The following AFF3 variants were observed in gnomAD, a reference collection of about 807,000 sequenced individuals.
AFF3 encodes AF4/FMR2 family member 3.
AFF3 carries 32 observed loss-of-function variants against 129.7 expected under a neutral mutation model. That is an observed-to-expected ratio of 0.25 (90% CI 0.19 to 0.33). AFF3 has a LOEUF of 0.33. Among genes scored for constraint, AFF3 ranks in the 10% least tolerant of loss-of-function variants. The probability of loss-of-function intolerance (pLI) is 1.00; values close to 1 mark genes in which losing one functional copy is unlikely to be tolerated. For synonymous variants in AFF3, 644 were observed against 635.4 expected, an observed-to-expected ratio of 1.01 and a Z score of -0.20; for missense variants, 1,373 against 1,592.0, an observed-to-expected ratio of 0.86 and a Z score of 2.34.
intron 8 of AFF3, among the ~76,000 whole-genome samples, chr2:99,775,786 C>T (rs905773228): frequency 1.3e-4 from 20 of 152,012 alleles, no homozygotes; most frequent in African/African-American, 4.3e-4. Flanking sequence ...AAGACGACAA[C>T]ATCATTAGAA....
intron 7 of AFF3, among the ~76,000 whole-genome samples, chr2:99,845,485 T>A (rs534784286): frequency 6.6e-6 from 1 of 152,144 alleles, no homozygotes; most frequent in Non-Finnish European, 1.5e-5. Context: ...TGATGACTAA[T>A]TGATATTGAG....
chr2:99,860,309 T>A (rs1463169789), intron 7 of AFF3, among the ~76,000 whole-genome samples: 1 of 151,996 alleles, frequency 6.6e-6, no homozygotes, highest in Non-Finnish European at 1.5e-5. Context: ...ATCCCAGCAC[T>A]CTGGGAGGCC....
chr2:99,732,909 TGTG>T (rs35078034), intron 10 of AFF3, among the ~76,000 whole-genome samples: 111,316 of 151,738 alleles, frequency 0.73, 41,659 homozygotes, highest in East Asian at 0.92. Context: ...ATAATTTTGT[TGTG>T]GTGTCTGCAT....
chr2:99,914,915 C>T (rs913903014), intron 7 of AFF3, among the ~76,000 whole-genome samples: 4 of 151,800 alleles, frequency 2.6e-5, no homozygotes, highest in Non-Finnish European at 4.4e-5. Flanking sequence ...AAAATAAATA[C>T]ATTAATTAAT....
chr2:99,786,108 C>A (rs1302946977), intron 8 of AFF3, among the ~76,000 whole-genome samples: 2 of 152,142 alleles, frequency 1.3e-5, no homozygotes, highest in Admixed American at 6.5e-5. Context: ...TCGTTGAGTG[C>A]GGACTCTCAA....
At position 99,834,558 on chromosome 2, in the gene AFF3, C is replaced by T. The variant is rs183833698; in HGVS notation, c.921+2919G>A. On this transcript the variant is annotated intron_variant, in intron 8 of 24. Transcript: ENST00000672756. ...TCACTGACTGCATTTTCTGTTTTCT[C>T]GAGTTTGGCTTCTGCCCCCTCTACT... Among the ~76,000 whole-genome samples the T allele has an allele frequency of 2.6e-5, 4 of 152,272 alleles. No homozygotes were observed. The East Asian group carries it at 7.7e-4, about 29-fold the overall frequency.
intron 8 of AFF3, among the ~76,000 whole-genome samples, chr2:99,826,549 T>C (rs1688094210): frequency 6.6e-6 from 1 of 151,350 alleles, no homozygotes. Flanking sequence ...TATGCAGGAG[T>C]CGGTCAGCTA....
At chr2:99,774,035 G>C (rs533969092) in intron 8 of AFF3, among the ~76,000 whole-genome samples, 16 of 152,320 alleles carry the variant, frequency 1.1e-4, no homozygotes, top group African/African-American at 3.9e-4. Context: ...CAGGGGAAGT[G>C]AAGGACCTCT....
chr2:99,951,385 C>G (rs1676149891), intron 7 of AFF3, among the ~76,000 whole-genome samples: 1 of 152,180 alleles, frequency 6.6e-6, no homozygotes, highest in Non-Finnish European at 1.5e-5. Context: ...GCCAGTGGCT[C>G]TGCCTGCAAT....
At chr2:99,840,659 C>T (rs879885138) in intron 7 of AFF3, among the ~76,000 whole-genome samples, 1 of 152,198 alleles carries the variant, frequency 6.6e-6, no homozygotes, top group African/African-American at 2.4e-5. Flanking sequence ...AGCTTTCACT[C>T]CCATTCCCAA....
At chr2:99,711,177 A>T (rs1170612544) in intron 11 of AFF3, among the ~76,000 whole-genome samples, 7 of 151,974 alleles carry the variant, frequency 4.6e-5, no homozygotes, top group Admixed American at 2.0e-4. Flanking sequence ...TTTCTTCCTT[A>T]ACATCTCTCC....
At chr2:100,054,620 G>A (rs1018042982) in intron 4 of AFF3, among the ~76,000 whole-genome samples, 1 of 152,160 alleles carries the variant, frequency 6.6e-6, no homozygotes, top group African/African-American at 2.4e-5. Flanking sequence ...GAGTCATTCT[G>A]CAGATCTTGG....
At chr2:99,666,264 T>C (rs1460496603) in intron 12 of AFF3, among the ~76,000 whole-genome samples, 1 of 152,346 alleles carries the variant, frequency 6.6e-6, no homozygotes, top group Admixed American at 6.5e-5. Context: ...ACTACATTTG[T>C]ATCACCTATT....
intron 11 of AFF3, among the ~76,000 whole-genome samples, chr2:99,723,897 C>T (rs371590047): frequency 2.6e-5 from 4 of 152,034 alleles, no homozygotes; most frequent in African/African-American, 7.3e-5. Flanking sequence ...CACAGAGAGA[C>T]GATGACGTGA....
intron 11 of AFF3, among the ~76,000 whole-genome samples, chr2:99,725,681 T>C (rs1037921198): frequency 2.0e-5 from 3 of 152,182 alleles, no homozygotes; most frequent in African/African-American, 7.2e-5. Context: ...TAGAAGCACA[T>C]CCAACTGCCT....
intron 21 of AFF3, 22 bp from the exon 22 acceptor site, chr2:99,558,990 G>C (rs750748897): frequency 2.5e-6 from 4 of 1,612,760 alleles, no homozygotes; most frequent in Non-Finnish European, 3.4e-6. Context: ...AAGAGAAACA[G>C]GCCCAGAAGC....
chr2:100,006,670 C>T lies in AFF3; in HGVS notation c.835G>A (p.Ala279Thr), dbSNP rs1559050288. 1.9e-6 allele frequency: 3 copies of T among 1,612,242 alleles called. No homozygotes were observed. Among genetic ancestry groups the T allele is most frequent in the African/African-American group, 1.3e-5 (1 of 74,918 alleles). ...ASKPEPARAKAKLSKFSIPKQ... is the reference protein window; with the variant it reads ...ASKPEPARAKTKLSKFSIPKQ... ...GGGATGCTGAACTTGGAGAGCTTGG[C>T]CTTGGCTCTGGCAGGCTCCGGCTTG... Residue 279 changes from alanine (A) to threonine (T), a missense_variant, in exon 7 of 25, where the codon GCC (alanine) becomes ACC (threonine). Ala to Thr is a moderately conservative substitution (Grantham distance 58). Around this residue, in one of 9 missense-constraint regions of AFF3, gnomAD observed 413 missense variants for 424.4 expected, o/e 0.97. Transcript: ENST00000672756.
intron 7 of AFF3, among the ~76,000 whole-genome samples, chr2:99,947,843 G>A (rs1405007459): frequency 6.6e-6 from 1 of 152,144 alleles, no homozygotes; most frequent in Non-Finnish European, 1.5e-5. Context: ...TGGAAAGCAT[G>A]GCACGGGGGC....
chr2:99,645,082 C>A (rs912258952), intron 13 of AFF3, among the ~76,000 whole-genome samples: 1 of 152,170 alleles, frequency 6.6e-6, no homozygotes, highest in African/African-American at 2.4e-5. Context: ...CACCTGTAAT[C>A]CCAGCACTTT....
Sources: gnomAD v4.1 joint callset for allele counts (sites outside exome capture counted in the v4.1 genomes callset) on GRCh38, gnomAD v4.1.1 for gene constraint, gnomAD v4.1.1 regional missense constraint, MANE v1.5 for transcripts, NCBI Gene and HGNC (gene_info 2026-07-23, HGNC 2026-07-21) for gene names.